Variants in CSMD1 observed in about 807,000 individuals in gnomAD.
The protein encoded by CSMD1 is CUB and sushi domain-containing protein 1.
A neutral mutation model predicts 417.5 loss-of-function variants in CSMD1; 213 were observed. That is an observed-to-expected ratio of 0.51 (90% CI 0.46 to 0.57). CSMD1 has a LOEUF of 0.57. Ranked by LOEUF, CSMD1 falls within the 20% of genes least tolerant of loss-of-function variation. CSMD1 has a pLI of 0.00. For missense variants in CSMD1, 6,923 were observed against 4,529.7 expected (o/e 1.53, Z -15.17); for synonymous variants, 2,862 against 1,736.8 (o/e 1.65, Z -16.11).
chr8:3,442,476 G>T (rs573687928), intron 12 of CSMD1, among the ~76,000 whole-genome samples: 1 of 152,204 alleles, frequency 6.6e-6, no homozygotes, highest in Non-Finnish European at 1.5e-5. Flanking sequence ...TGTACCTTTT[G>T]TATGTTTACA....
At chr8:3,817,489 G>A (rs1311801226) in intron 5 of CSMD1, among the ~76,000 whole-genome samples, 2 of 151,462 alleles carry the variant, frequency 1.3e-5, no homozygotes, top group African/African-American at 2.4e-5. Flanking sequence ...CCTCGTTAGC[G>A]AGGATGGTCT....
At chr8:3,746,539 T>G (rs1047285488) in intron 6 of CSMD1, among the ~76,000 whole-genome samples, 2 of 152,236 alleles carry the variant, frequency 1.3e-5, no homozygotes, top group Non-Finnish European at 2.9e-5. Context: ...TGCACTGAAT[T>G]AAAATTCTGG....
chr8:3,887,467 C>G (rs1806643593), intron 5 of CSMD1, among the ~76,000 whole-genome samples: 2 of 152,158 alleles, frequency 1.3e-5, no homozygotes, highest in Non-Finnish European at 2.9e-5. Flanking sequence ...TAATTTTGTT[C>G]TAGGCGTCCA....
intron 5 of CSMD1, among the ~76,000 whole-genome samples, chr8:3,761,223 A>G (rs895658139): frequency 3.5e-4 from 53 of 152,176 alleles, no homozygotes; most frequent in Admixed American, 3.5e-3. Flanking sequence ...AGAACATGAA[A>G]AACAGTTAAA....
At chr8:4,465,869 G>C (rs78511619) in intron 2 of CSMD1, among the ~76,000 whole-genome samples, 1 of 152,144 alleles carries the variant, frequency 6.6e-6, no homozygotes, top group Non-Finnish European at 1.5e-5. Flanking sequence ...ACAGGTGATT[G>C]TATCTGGAAG....
At chr8:4,197,193 A>G (rs1423518664) in intron 3 of CSMD1, among the ~76,000 whole-genome samples, 3 of 152,220 alleles carry the variant, frequency 2.0e-5, no homozygotes, top group Non-Finnish European at 4.4e-5. Flanking sequence ...TAAAAGTCCT[A>G]GCATTTTCCA....
At chr8:4,529,951 G>C (rs752721492) in intron 2 of CSMD1, among the ~76,000 whole-genome samples, 2 of 150,028 alleles carry the variant, frequency 1.3e-5, no homozygotes, top group Non-Finnish European at 1.5e-5. Flanking sequence ...GTCTCGATTT[G>C]TCACCCAGGC....
At chr8:4,437,659 G>T (rs6558883) in intron 2 of CSMD1, among the ~76,000 whole-genome samples, 29,259 of 152,122 alleles carry the variant, frequency 0.19, 3,084 homozygotes, top group Non-Finnish European at 0.25. Flanking sequence ...AAAGGAGTTC[G>T]TAGAGTTTAA....
At chr8:3,420,141 A>G (rs1462343200) in intron 12 of CSMD1, among the ~76,000 whole-genome samples, 1 of 152,304 alleles carries the variant, frequency 6.6e-6, no homozygotes, top group South Asian at 2.1e-4. Flanking sequence ...TCAACTTAAG[A>G]AAAGCCAAGC....
intron 1 of CSMD1, among the ~76,000 whole-genome samples, chr8:4,704,941 T>C (rs1293856343): frequency 6.6e-6 from 1 of 152,326 alleles, no homozygotes; most frequent in African/African-American, 2.4e-5. Flanking sequence ...ATGGGTAGTA[T>C]GGTTTGGCTC....
chr8:3,168,104 T>C (rs1256544783), intron 37 of CSMD1, among the ~76,000 whole-genome samples: 1 of 149,194 alleles, frequency 6.7e-6, no homozygotes, highest in Non-Finnish European at 1.5e-5. Flanking sequence ...ACAAAAAAGT[T>C]GATAAGCAGA....
chr8:3,323,928 T>C lies in CSMD1; in HGVS notation c.3632-15425A>G, dbSNP rs79330555. Among the ~76,000 whole-genome samples, 33 of 104,152 alleles carry C rather than the reference T, an allele frequency of 3.2e-4. 1 individual carries two copies. The South Asian group carries it at 3.8e-3, about 12-fold the overall frequency. 68.3% of individuals were successfully genotyped at this position (104,152 alleles called of 152,430 possible). ...TCATCATTGTTAAAATAGACACACA[T>C]CTAACCCCAGAGACCCAGGAGGGGG... On this transcript the variant is annotated intron_variant, in intron 23 of 69. Coordinates refer to ENST00000635120, the MANE Select transcript of CSMD1 (RefSeq NM_033225.6).
intron 7 of CSMD1, among the ~76,000 whole-genome samples, chr8:3,647,841 G>C (rs924485398): frequency 1.3e-5 from 2 of 152,180 alleles, no homozygotes; most frequent in African/African-American, 4.8e-5. Flanking sequence ...ATCTGAGAAG[G>C]CACTTTGTAC....
At chr8:3,488,204 T>G (rs562244133) in intron 11 of CSMD1, among the ~76,000 whole-genome samples, 1 of 152,036 alleles carries the variant, frequency 6.6e-6, no homozygotes, top group African/African-American at 2.4e-5. Flanking sequence ...CTGGGCACAA[T>G]CGACCCTTTC....
intron 7 of CSMD1, among the ~76,000 whole-genome samples, chr8:3,621,031 G>A (rs1164107986): frequency 2.0e-5 from 3 of 152,034 alleles, no homozygotes; most frequent in African/African-American, 7.2e-5. Context: ...TTCTAAGAAG[G>A]GTAAGTTAGC....
At chr8:3,889,951 G>T (rs922447880) in intron 5 of CSMD1, among the ~76,000 whole-genome samples, 1 of 152,134 alleles carries the variant, frequency 6.6e-6, no homozygotes, top group African/African-American at 2.4e-5. Flanking sequence ...GGATGGCTGA[G>T]GTGGGAGGAT....
Position 4,673,632 on chromosome 8 carries a change from C to T in CSMD1, c.86-36074G>A, listed in dbSNP as rs981170842. 5.3e-4 allele frequency among the ~76,000 whole-genome samples: 81 copies of T among 152,102 alleles called. 2 individuals are homozygous for T. Among genetic ancestry groups the T allele is most frequent in the Non-Finnish European group, 1.2e-4 (8 of 68,022 alleles). On this transcript the variant is annotated intron_variant, in intron 1 of 69. Transcript: ENST00000635120. ...GACTACCTCTATTCTAGGAATCATGCTTTGTGGTTCTAGTCCTCATTTACA... is the reference window on the plus strand; with the variant it reads ...GACTACCTCTATTCTAGGAATCATGTTTTGTGGTTCTAGTCCTCATTTACA...
chr8:4,926,040 C>G (rs1006741796), intron 1 of CSMD1, among the ~76,000 whole-genome samples: 1 of 152,064 alleles, frequency 6.6e-6, no homozygotes, highest in Non-Finnish European at 1.5e-5. Flanking sequence ...ATAAACCAAC[C>G]TAAATAAACA....
At chr8:3,716,919 C>G (rs1801874143) in intron 6 of CSMD1, among the ~76,000 whole-genome samples, 2 of 152,080 alleles carry the variant, frequency 1.3e-5, no homozygotes, top group African/African-American at 2.4e-5. Context: ...TGGAGTACAT[C>G]CTATTTAATT....
Sources: gnomAD v4.1 joint callset for allele counts (sites outside exome capture counted in the v4.1 genomes callset) on GRCh38, gnomAD v4.1.1 for gene constraint, MANE v1.5 for transcripts, NCBI Gene and HGNC (gene_info 2026-07-23, HGNC 2026-07-21) for gene names.